Variants in THSD7B observed in about 807,000 individuals in gnomAD.
THSD7B encodes the protein thrombospondin type 1 domain containing 7B.
Under a neutral mutation model 213.6 loss-of-function variants are expected in THSD7B, and 138 were observed. That is an observed-to-expected ratio of 0.65 (90% CI 0.56 to 0.74). The LOEUF (loss-of-function observed/expected upper bound fraction) is 0.74. Ranked by LOEUF, THSD7B falls within the 30% of genes least tolerant of loss-of-function variation. The probability of loss-of-function intolerance (pLI) is 0.00; values close to 1 mark genes in which losing one functional copy is unlikely to be tolerated. For missense variants in THSD7B, 1,931 were observed against 1,991.5 expected (o/e 0.97, Z 0.58); for synonymous variants, 742 against 687.0 (o/e 1.08, Z -1.25).
At chr2:136,851,950 T>TATATATATATATATATATATATATATA (rs1558826090) in intron 1 of THSD7B, among the ~76,000 whole-genome samples, 2 of 151,402 alleles carry the variant, frequency 1.3e-5, no homozygotes, top group African/African-American at 4.9e-5. Flanking sequence ...TATATATATA[T>TATATATATATATATATATATATATATA]TTGTAGTAAC....
At chr2:137,190,086 G>A (rs1243271530) in intron 7 of THSD7B, among the ~76,000 whole-genome samples, 1 of 152,232 alleles carries the variant, frequency 6.6e-6, no homozygotes, top group African/African-American at 2.4e-5. Flanking sequence ...TAATAAGGGG[G>A]AATAGCCCAC....
chr2:137,140,344 T>C (rs1679556446), intron 5 of THSD7B, among the ~76,000 whole-genome samples: 1 of 152,192 alleles, frequency 6.6e-6, no homozygotes, highest in African/African-American at 2.4e-5. Context: ...GTTTTTCTTA[T>C]AACAAACGAA....
In THSD7B at chr2:136,789,680, A is replaced by G. The variant is rs1241302125; in HGVS notation, c.-36+23993A>G. On this transcript the variant is annotated intron_variant, in intron 1 of 27. Coordinates refer to ENST00000409968, the MANE Select transcript of THSD7B (RefSeq NM_001316349.2). The stretch of plus-strand genomic sequence containing the variant: ...ATACTTTAAGAATAAGTAATGTACA[A>G]CTTGATATGTGACATTTATGGGAGT... Among the ~76,000 whole-genome samples, 12 of 152,246 alleles carry G rather than the reference A, an allele frequency of 7.9e-5. No homozygotes were observed. The East Asian group carries it at 1.9e-3, about 25-fold the overall frequency.
chr2:136,905,936 C>T (rs1412318754), intron 2 of THSD7B, among the ~76,000 whole-genome samples: 2 of 152,216 alleles, frequency 1.3e-5, no homozygotes, highest in Non-Finnish European at 2.9e-5. Context: ...GGAATACTTA[C>T]AGCTAAAGGC....
rs376502091 is a variant in THSD7B at position 136,986,487 on chromosome 2, A to G, written c.140-69933A>G. ...ATCCTGAGGCCCTCACCAGAAACAG[A>G]TGCTGGAGCCATGCTTGTACAGCCT... On this transcript the variant is annotated intron_variant, in intron 2 of 27. Transcript: ENST00000409968. Among the ~76,000 whole-genome samples the G allele has an allele frequency of 3.9e-5, 6 of 152,322 alleles. 1 individual carries two copies. The South Asian group carries it at 8.3e-4, about 21-fold the overall frequency.
At chr2:137,572,301 A>G in intron 16 of THSD7B, 105 bp from the exon 17 acceptor site, 1 of 1,357,956 alleles carries the variant, frequency 7.4e-7, no homozygotes, top group Non-Finnish European at 1.0e-6. Context: ...TGCTGGTCTT[A>G]TGTTATATTT....
intron 2 of THSD7B, among the ~76,000 whole-genome samples, chr2:136,897,815 A>G (rs557958948): frequency 6.6e-6 from 1 of 151,614 alleles, no homozygotes; most frequent in Admixed American, 6.6e-5. Flanking sequence ...TGCGCTTACA[A>G]ACCTTCAGCT....
At chr2:137,362,362 G>C (rs1685285325) in intron 12 of THSD7B, among the ~76,000 whole-genome samples, 1 of 152,210 alleles carries the variant, frequency 6.6e-6, no homozygotes, top group Non-Finnish European at 1.5e-5. Context: ...CATAATGATG[G>C]GATCAAATTC....
At chr2:137,363,489 A>T (rs1685322657) in intron 12 of THSD7B, among the ~76,000 whole-genome samples, 1 of 152,170 alleles carries the variant, frequency 6.6e-6, no homozygotes, top group Non-Finnish European at 1.5e-5. Flanking sequence ...ATAGACTGCT[A>T]GCAAGACTAA....
At chr2:137,318,316 A>G (rs997592208) in intron 12 of THSD7B, among the ~76,000 whole-genome samples, 1 of 152,178 alleles carries the variant, frequency 6.6e-6, no homozygotes, top group African/African-American at 2.4e-5. Flanking sequence ...CAACCACAGG[A>G]TGATGGGAAC....
Position 136,769,433 on chromosome 2 carries a change from A to G in THSD7B, c.-36+3746A>G, listed in dbSNP as rs17656093. Among the ~76,000 whole-genome samples, 299 of 152,266 alleles carry G rather than the reference A, an allele frequency of 2.0e-3. 1 individual carries two copies. Among genetic ancestry groups the G allele is most frequent in the Admixed American group, 5.4e-3 (82 of 15,292 alleles). On this transcript the variant is annotated intron_variant, in intron 1 of 27. Coordinates refer to ENST00000409968, the MANE Select transcript of THSD7B (RefSeq NM_001316349.2). ...GAAAATCAGATATTAGTGAAACCCAATTACTCCGTATCTTTTGGTAAAACT... is the reference window on the plus strand; with the variant it reads ...GAAAATCAGATATTAGTGAAACCCAGTTACTCCGTATCTTTTGGTAAAACT...
chr2:137,652,224 A>G (rs1315721079), intron 21 of THSD7B, among the ~76,000 whole-genome samples: 2 of 151,916 alleles, frequency 1.3e-5, no homozygotes, highest in African/African-American at 4.8e-5. Flanking sequence ...TTTTCTTTAT[A>G]TACTTGGGAA....
At chr2:137,281,204 G>C (rs371553715) in intron 12 of THSD7B, among the ~76,000 whole-genome samples, 11 of 151,940 alleles carry the variant, frequency 7.2e-5, no homozygotes, top group African/African-American at 2.7e-4. Context: ...ATTAGTTTTT[G>C]TCACAGTTTT....
chr2:137,275,655 AT>A (rs2104810819), intron 11 of THSD7B, among the ~76,000 whole-genome samples: 1 of 151,748 alleles, frequency 6.6e-6, no homozygotes, highest in South Asian at 2.1e-4. Flanking sequence ...ACCAAAGTTT[AT>A]GTGTAAAATA....
intron 14 of THSD7B, among the ~76,000 whole-genome samples, chr2:137,424,210 T>TA (rs965388140): frequency 2.6e-5 from 4 of 152,020 alleles, no homozygotes; most frequent in African/African-American, 7.2e-5. Context: ...AAAAAAATTA[T>TA]AAAAAAACTT....
rs1272155617 is a variant in THSD7B, at chr2:137,232,817, C to T, written c.1916-82C>T. On this transcript the variant is annotated intron_variant, in intron 8 of 27. Coordinates refer to ENST00000409968, the MANE Select transcript of THSD7B (RefSeq NM_001316349.2). ...GAAGGCTGTGTCAGCAAAGCTGTCT[C>T]TCTAGACCATTAAAGCAGCAGAAAC... is the stretch of plus-strand genomic sequence containing the variant. 4.5e-6 allele frequency: 6 copies of T among 1,327,342 alleles called. No homozygotes were observed. The East Asian group carries it at 1.4e-4, about 32-fold the overall frequency. The allele number at this position is 1,327,342 out of a possible 1,614,324, so 82.2% of individuals were successfully genotyped here. A position where few individuals can be genotyped will look rare whatever the true frequency, so the allele number is the denominator to read the frequency against.
intron 10 of THSD7B, among the ~76,000 whole-genome samples, chr2:137,256,434 T>A (rs1682311286): frequency 1.3e-5 from 2 of 152,022 alleles, no homozygotes; most frequent in Non-Finnish European, 2.9e-5. Flanking sequence ...CAGGTAAACA[T>A]GGAATAGATG....
chr2:136,872,158 A>G (rs531732500), intron 1 of THSD7B, among the ~76,000 whole-genome samples: 34 of 152,302 alleles, frequency 2.2e-4, no homozygotes, highest in African/African-American at 7.7e-4. Context: ...CTTAAAAACA[A>G]AGTGGTTTAT....
At chr2:137,086,223 G>A in intron 3 of THSD7B, among the ~76,000 whole-genome samples, 1 of 152,076 alleles carries the variant, frequency 6.6e-6, no homozygotes, top group East Asian at 1.9e-4. Context: ...TGTAATCCCA[G>A]CTGTTTGGGA....
Sources: gnomAD v4.1 joint callset for allele counts (sites outside exome capture counted in the v4.1 genomes callset) on GRCh38, gnomAD v4.1.1 for gene constraint, MANE v1.5 for transcripts, NCBI Gene and HGNC (gene_info 2026-07-23, HGNC 2026-07-21) for gene names.